BMP8B: variants seen among roughly 807,000 people sequenced by gnomAD.
The protein encoded by BMP8B is bone morphogenetic protein 8 (osteogenic protein 2).
Under a neutral mutation model 30.3 loss-of-function variants are expected in BMP8B, and 17 were observed. The observed-to-expected ratio is 0.56, with a 90% CI of 0.38 to 0.84. BMP8B has a LOEUF of 0.84. Ranked by LOEUF, BMP8B falls within the 40% of genes least tolerant of loss-of-function variation. BMP8B has a pLI of 0.00. For synonymous variants in BMP8B, 131 were observed against 214.7 expected, an observed-to-expected ratio of 0.61 and a Z score of 3.41; for missense variants, 253 against 494.6, an observed-to-expected ratio of 0.51 and a Z score of 4.63.
chr1:39,769,419 G>A (rs1569815501), intron 3 of BMP8B: 3 of 340,330 alleles, frequency 8.8e-6, no homozygotes, highest in East Asian at 5.6e-5. Context: ...AATGCACTGA[G>A]CTGTGCACGC....
chr1:39,770,989 G>T, intron 3 of BMP8B: 1 of 1,425,850 alleles, frequency 7.0e-7, no homozygotes, highest in South Asian at 1.3e-5. Context: ...CCACGTTGCT[G>T]CTGACCACCT....
chr1:39,779,894 C>T (rs996956782), intron 1 of BMP8B, among the ~76,000 whole-genome samples: 1 of 152,144 alleles, frequency 6.6e-6, no homozygotes, highest in African/African-American at 2.4e-5. Context: ...AATCCAGGAA[C>T]TTAGCTGGGT....
chr1:39,761,578 A>T (rs1039376012), intron 6 of BMP8B, among the ~76,000 whole-genome samples: 5 of 152,010 alleles, frequency 3.3e-5, no homozygotes, highest in African/African-American at 1.2e-4. Flanking sequence ...GCCCTAGGGG[A>T]GCCGGCCCTG....
chr1:39,762,456 A>T, intron 6 of BMP8B: 1 of 1,493,658 alleles, frequency 6.7e-7, no homozygotes, highest in Non-Finnish European at 8.9e-7. Context: ...ACAAACACAC[A>T]GAGCACTCAA....
chr1:39,788,261 G>C lies in BMP8B; in HGVS notation c.225C>G (p.Leu75=), dbSNP rs568287246. ...TGGCGTGGTACAGGTCCAGCATGAA[G>C]AGCGGCGCGGACGCGGGCAGCCGGG... ...AASRLPASAP[L]FMLDLYHAMA... Residue 75 remains leucine, a synonymous_variant, in exon 1 of 7, where the codon CTC becomes CTG. Coordinates refer to ENST00000372827, the MANE Select transcript of BMP8B (RefSeq NM_001720.5). The surrounding 1 kb of genome is among the most constrained non-coding windows in gnomAD (Gnocchi z 5.8). The C allele has an allele frequency of 1.8e-4, 270 of 1,463,246 alleles. 2 individuals carry two copies. The highest frequency in any genetic ancestry group is 1.7e-3 in the South Asian group (132 of 75,760). 90.6% of individuals were successfully genotyped at this position (1,463,246 alleles called of 1,614,324 possible).
intron 1 of BMP8B, among the ~76,000 whole-genome samples, chr1:39,775,372 G>C (rs1650152928): frequency 6.6e-6 from 1 of 152,154 alleles, no homozygotes; most frequent in South Asian, 2.1e-4. Context: ...AGAGGAGGGA[G>C]CCTCCTCTGG....
At chr1:39,761,743 C>T (rs935444085) in intron 6 of BMP8B, among the ~76,000 whole-genome samples, 4 of 152,190 alleles carry the variant, frequency 2.6e-5, no homozygotes, top group African/African-American at 9.7e-5. Context: ...CTGACTGGCC[C>T]CCTCCTTCTG....
chr1:39,784,837 G>A (rs1372379785), intron 1 of BMP8B, among the ~76,000 whole-genome samples: 52 of 101,338 alleles, frequency 5.1e-4, no homozygotes, highest in African/African-American at 1.6e-3. Context: ...GACCACAGGA[G>A]CAAATCTGTC....
chr1:39,764,870 C>T, intron 3 of BMP8B, 53 bp from the exon 4 acceptor site: 1 of 1,604,040 alleles, frequency 6.2e-7, no homozygotes, highest in Non-Finnish European at 8.5e-7. Flanking sequence ...CTGCAGCAGA[C>T]ACAGCAGCGG....
In BMP8B at chr1:39,788,642, C is replaced by T. The variant is rs1486729076; in HGVS notation, c.-157G>A. 2.9e-6 allele frequency: 2 copies of T among 693,006 alleles called. No individual in the cohort carries two copies. Among genetic ancestry groups the T allele is most frequent in the Non-Finnish European group, 3.5e-6 (2 of 563,720 alleles). The allele number at this position is 693,006 out of a possible 1,614,324, so 42.9% of individuals were successfully genotyped here. ...ACGGGCGGCGACCGCGGCCTCAGCG[C>T]GGTCCCTGGAGCGCCCGCCGCGCGA... On this transcript the variant is annotated 5_prime_UTR_variant, in exon 1 of 7. Transcript: ENST00000372827. The surrounding 1 kb of genome is among the most constrained non-coding windows in gnomAD (Gnocchi z 5.8).
chr1:39,766,763 G>C (rs1487047251), intron 3 of BMP8B, among the ~76,000 whole-genome samples: 1 of 143,860 alleles, frequency 7.0e-6, no homozygotes, highest in African/African-American at 2.8e-5. Context: ...CTTGGTTCAC[G>C]GTGAGTCAAG....
intron 6 of BMP8B, chr1:39,762,602 A>C (rs1557470653): frequency 9.0e-6 from 14 of 1,550,202 alleles, no homozygotes; most frequent in Non-Finnish European, 1.2e-5. Context: ...AAAAGCCAAA[A>C]GGTTGAGAGC....
intron 1 of BMP8B, among the ~76,000 whole-genome samples, chr1:39,776,304 T>C (rs1160750190): frequency 2.0e-5 from 3 of 152,148 alleles, no homozygotes; most frequent in Admixed American, 2.0e-4. Context: ...TTTAGGGCAG[T>C]CTCACTTTAG....
At chr1:39,775,316 G>T (rs61779798) in intron 1 of BMP8B, among the ~76,000 whole-genome samples, 10,135 of 152,290 alleles carry the variant, frequency 0.067, 479 homozygotes, top group Non-Finnish European at 0.1. Context: ...AACTCCCGTT[G>T]CGCCCCCTTC....
chr1:39,757,304 TTG>T lies in BMP8B; in HGVS notation c.*3113_*3114del, dbSNP rs1171853082. On this transcript the variant is annotated 3_prime_UTR_variant, in exon 7 of 7. Transcript: ENST00000372827. ...TTTATATGTCAGACATCCCAAAGAT[TTG>T]TGTACATATTTAGTCTTTATAATAG... 6.6e-6 allele frequency: 1 copy of T among 152,254 alleles called. No individual in the cohort carries two copies. The highest frequency in any genetic ancestry group is 1.5e-5 in the Non-Finnish European group (1 of 68,044). The allele number at this position is 152,254 out of a possible 1,614,324, so 9.4% of individuals were successfully genotyped here. A position where few individuals can be genotyped will look rare whatever the true frequency, so the allele number is the denominator to read the frequency against.
At chr1:39,775,499 G>T (rs1287245784) in intron 1 of BMP8B, among the ~76,000 whole-genome samples, 1 of 152,208 alleles carries the variant, frequency 6.6e-6, no homozygotes, top group African/African-American at 2.4e-5. Context: ...CATCTCAGGG[G>T]ACACAAGGCA....
chr1:39,761,992 C>T (rs1383261313), intron 6 of BMP8B, among the ~76,000 whole-genome samples: 4 of 152,224 alleles, frequency 2.6e-5, no homozygotes, highest in Non-Finnish European at 5.9e-5. Context: ...CAGATGCAGT[C>T]ACCTTCCCGC....
chr1:39,769,756 C>T (rs758442851), intron 3 of BMP8B: 15 of 1,611,988 alleles, frequency 9.3e-6, no homozygotes, highest in Non-Finnish European at 1.3e-5. Flanking sequence ...CAAAGGCACA[C>T]CCCGTGCTCT....
At position 39,770,462 on chromosome 1, in the gene BMP8B, T is replaced by C. The variant is rs1649879560; in HGVS notation, c.673+3846A>G. ...CTGCCCCTTTATCACGCGATCTACATAAATGTTAGGAACGTGGATGTCTTC... is the reference window on the plus strand; with the variant it reads ...CTGCCCCTTTATCACGCGATCTACACAAATGTTAGGAACGTGGATGTCTTC... On this transcript the variant is annotated intron_variant, in intron 3 of 6. Coordinates refer to ENST00000372827, the MANE Select transcript of BMP8B (RefSeq NM_001720.5). 6 of 1,609,710 alleles carry C rather than the reference T, an allele frequency of 3.7e-6. No homozygotes were observed. The Admixed American group carries it at 1.0e-4, about 27-fold the overall frequency.
Sources: allele counts gnomAD v4.1 joint callset (sites outside exome capture counted in the v4.1 genomes callset), GRCh38; gene constraint gnomAD v4.1.1; non-coding constraint Gnocchi (gnomAD v3.1); transcripts MANE v1.5; gene names NCBI Gene and HGNC (gene_info 2026-07-23, HGNC 2026-07-21).